CSNK2A2IP: variants seen among roughly 807,000 people sequenced by gnomAD.
The protein encoded by CSNK2A2IP is casein kinase II subunit alpha'-interacting protein.
At chr3:88,409,020 C>A in the CSNK2A2IP span, among the ~76,000 whole-genome samples, 1 of 152,030 alleles carries the variant, frequency 6.6e-6, no homozygotes, top group African/African-American at 2.4e-5. Flanking sequence ...TGCAAGCCTG[C>A]AATTTTCCTA....
the CSNK2A2IP span, chr3:88,466,065 C>T: frequency 8.1e-7 from 1 of 1,231,558 alleles, no homozygotes; most frequent in Non-Finnish European, 1.0e-6. Flanking sequence ...CATTGCAGCG[C>T]AATCAAAGAT....
chr3:88,410,652 T>C, the CSNK2A2IP span, among the ~76,000 whole-genome samples: 1 of 152,036 alleles, frequency 6.6e-6, no homozygotes, highest in Non-Finnish European at 1.5e-5. Context: ...CTTTTTCTTA[T>C]TCTAGTTTCT....
chr3:88,411,493 T>C, the CSNK2A2IP span, among the ~76,000 whole-genome samples: 1 of 151,904 alleles, frequency 6.6e-6, no homozygotes, highest in African/African-American at 2.4e-5. Context: ...GTTTATTGCA[T>C]TAAATATATG....
the CSNK2A2IP span, among the ~76,000 whole-genome samples, chr3:88,396,360 C>T: frequency 2.0e-5 from 3 of 152,122 alleles, no homozygotes; most frequent in Admixed American, 6.5e-5. Context: ...CCGCCTCGGC[C>T]TCCCAAAGTG....
At chr3:88,407,107 C>A in the CSNK2A2IP span, among the ~76,000 whole-genome samples, 2 of 152,110 alleles carry the variant, frequency 1.3e-5, no homozygotes, top group Non-Finnish European at 2.9e-5. Flanking sequence ...CTTCTACTAA[C>A]CATATTGGCT....
the CSNK2A2IP span, among the ~76,000 whole-genome samples, chr3:88,352,658 G>A: frequency 0.011 from 1,659 of 151,884 alleles, 22 homozygotes; most frequent in African/African-American, 0.035. Flanking sequence ...AGCTCACTGC[G>A]GCCTCAACCT....
chr3:88,459,262 A>G, the CSNK2A2IP span, among the ~76,000 whole-genome samples: 1 of 152,120 alleles, frequency 6.6e-6, no homozygotes, highest in African/African-American at 2.4e-5. Flanking sequence ...GCACCCTCTC[A>G]TATTTGCAAT....
At chr3:88,401,196 A>T in the CSNK2A2IP span, among the ~76,000 whole-genome samples, 1 of 152,196 alleles carries the variant, frequency 6.6e-6, no homozygotes, top group Non-Finnish European at 1.5e-5. Context: ...CAAAAGTCAA[A>T]TATAAGGCCT....
At chr3:88,429,417 T>G in the CSNK2A2IP span, among the ~76,000 whole-genome samples, 1 of 152,302 alleles carries the variant, frequency 6.6e-6, no homozygotes, top group African/African-American at 2.4e-5. Flanking sequence ...GAGTTTCCCT[T>G]TTCCCAATTC....
chr3:88,413,157 T>C, the CSNK2A2IP span, among the ~76,000 whole-genome samples: 1 of 152,072 alleles, frequency 6.6e-6, no homozygotes, highest in Non-Finnish European at 1.5e-5. Flanking sequence ...AAACTCATGA[T>C]ATAATGCATT....
At chr3:88,360,027 A>G in the CSNK2A2IP span, among the ~76,000 whole-genome samples, 3 of 152,034 alleles carry the variant, frequency 2.0e-5, no homozygotes, top group Non-Finnish European at 2.9e-5. Context: ...TGCTTTATAC[A>G]TCTGTGTGCT....
chr3:88,466,498 A>G, the CSNK2A2IP span: 1 of 1,231,964 alleles, frequency 8.1e-7, no homozygotes, highest in Non-Finnish European at 1.0e-6. Flanking sequence ...ACACTGCACC[A>G]GGAACACAGC....
At chr3:88,466,001 T>C in the CSNK2A2IP span, 836 of 1,231,676 alleles carry the variant, frequency 6.8e-4, 3 homozygotes, top group African/African-American at 0.011. Context: ...AGCTCGACAT[T>C]GCTTCAATCC....
At chr3:88,373,774 A>G in the CSNK2A2IP span, among the ~76,000 whole-genome samples, 1 of 151,430 alleles carries the variant, frequency 6.6e-6, no homozygotes, top group East Asian at 1.9e-4. Context: ...AAGAAAACAC[A>G]GATTACCAAT....
At chr3:88,410,757 C>T in the CSNK2A2IP span, among the ~76,000 whole-genome samples, 2 of 151,968 alleles carry the variant, frequency 1.3e-5, no homozygotes, top group Non-Finnish European at 2.9e-5. Flanking sequence ...AAGAAATCAA[C>T]TTCACAGTGA....
chr3:88,413,521 G>A, the CSNK2A2IP span, among the ~76,000 whole-genome samples: 168 of 151,942 alleles, frequency 1.1e-3, 3 homozygotes, highest in African/African-American at 3.9e-3. Context: ...TTCCTTCTTG[G>A]GAGATGCATG....
the CSNK2A2IP span, among the ~76,000 whole-genome samples, chr3:88,356,126 A>T: frequency 6.6e-6 from 1 of 152,120 alleles, no homozygotes; most frequent in Non-Finnish European, 1.5e-5. Flanking sequence ...GTTACTTTGA[A>T]ATATACAATA....
chr3:88,394,871 G>A, the CSNK2A2IP span, among the ~76,000 whole-genome samples: 1 of 152,168 alleles, frequency 6.6e-6, no homozygotes, highest in Non-Finnish European at 1.5e-5. Flanking sequence ...AGACACTGGG[G>A]TCTACTTGAG....
chr3:88,418,110 A>G, the CSNK2A2IP span, among the ~76,000 whole-genome samples: 1 of 152,196 alleles, frequency 6.6e-6, no homozygotes, highest in Non-Finnish European at 1.5e-5. Context: ...TACGTATAAG[A>G]AAATCCATCG....
Sources: gnomAD v4.1 joint callset for allele counts (sites outside exome capture counted in the v4.1 genomes callset) on GRCh38, gnomAD v4.1.1 for gene constraint, MANE v1.5 for transcripts, NCBI Gene and HGNC (gene_info 2026-07-23, HGNC 2026-07-21) for gene names.